The following PDE3A variants were observed in gnomAD, a reference collection of about 807,000 sequenced individuals.
The protein encoded by PDE3A is phosphodiesterase 3A.
Under a neutral mutation model 98.3 loss-of-function variants are expected in PDE3A, and 43 were observed. The ratio of observed to expected loss-of-function variants is 0.44; its 90% CI spans 0.34 to 0.56. The LOEUF (loss-of-function observed/expected upper bound fraction) is 0.56, where lower values mean the gene tolerates loss of function less well. PDE3A is among the 20% of genes least tolerant of loss of function. PDE3A has a pLI of 0.01. For missense variants in PDE3A, 1,427 were observed against 1,440.7 expected, an observed-to-expected ratio of 0.99 and a Z score of 0.15; for synonymous variants, 663 against 567.9, an observed-to-expected ratio of 1.17 and a Z score of -2.38.
chr12:20,623,171 A>T (rs1263340987), intron 5 of PDE3A, among the ~76,000 whole-genome samples: 1 of 152,066 alleles, frequency 6.6e-6, no homozygotes, highest in African/African-American at 2.4e-5. Context: ...GGAAGAAATT[A>T]TCCAGAAAGC....
At chr12:20,449,377 C>G (rs1945021632) in intron 1 of PDE3A, among the ~76,000 whole-genome samples, 1 of 152,088 alleles carries the variant, frequency 6.6e-6, no homozygotes, top group African/African-American at 2.4e-5. Flanking sequence ...TTTTGTTTTT[C>G]CAACCAGAGT....
intron 1 of PDE3A, among the ~76,000 whole-genome samples, chr12:20,510,825 G>C (rs990531154): frequency 6.6e-6 from 1 of 152,016 alleles, no homozygotes; most frequent in Non-Finnish European, 1.5e-5. Context: ...CATTCTCTGA[G>C]AGTGAAGAGG....
chr12:20,606,865 A>G (rs1379303874), intron 2 of PDE3A, among the ~76,000 whole-genome samples: 2 of 151,826 alleles, frequency 1.3e-5, no homozygotes, highest in Admixed American at 6.6e-5. Flanking sequence ...AAAAAAAAAA[A>G]AAAAATTAAA....
At chr12:20,650,243 CGTT>C (rs1232492521) in intron 13 of PDE3A, among the ~76,000 whole-genome samples, 199 bp from the exon 14 acceptor site, 89 of 139,382 alleles carry the variant, frequency 6.4e-4, no homozygotes, top group Non-Finnish European at 9.5e-4. Flanking sequence ...ATCCATAATT[CGTT>C]ATTTTACTTT....
intron 3 of PDE3A, among the ~76,000 whole-genome samples, chr12:20,615,681 T>G (rs1943987313): frequency 3.9e-5 from 6 of 152,222 alleles, no homozygotes; most frequent in Admixed American, 3.9e-4. Flanking sequence ...TAATCACATA[T>G]TTGTATAAGC....
At chr12:20,586,406 C>A (rs1943199505) in intron 2 of PDE3A, among the ~76,000 whole-genome samples, 1 of 152,192 alleles carries the variant, frequency 6.6e-6, no homozygotes. Flanking sequence ...CCTAGTGGGA[C>A]TGCGTCATAT....
chr12:20,397,691 A>T (rs1944043194), intron 1 of PDE3A, among the ~76,000 whole-genome samples: 1 of 152,102 alleles, frequency 6.6e-6, no homozygotes, highest in African/African-American at 2.4e-5. Context: ...TAAAAAAAAT[A>T]GAGATATTCT....
chr12:20,567,447 A>G (rs1378071232), intron 2 of PDE3A, among the ~76,000 whole-genome samples: 1 of 152,034 alleles, frequency 6.6e-6, no homozygotes, highest in Non-Finnish European at 1.5e-5. Context: ...TTTAATGTCC[A>G]TGATACCTTA....
intron 6 of PDE3A, among the ~76,000 whole-genome samples, chr12:20,632,564 G>A (rs1209528168): frequency 6.6e-6 from 1 of 152,222 alleles, no homozygotes; most frequent in East Asian, 1.9e-4. Context: ...GGAAGAGCCA[G>A]TTTATGGCCT....
At chr12:20,517,343 G>T (rs1302107649) in intron 1 of PDE3A, among the ~76,000 whole-genome samples, 3 of 152,204 alleles carry the variant, frequency 2.0e-5, no homozygotes, top group Non-Finnish European at 4.4e-5. Flanking sequence ...TGAAGAAGGG[G>T]TTGGACTATG....
At chr12:20,623,578 T>C (rs1254996967) in intron 5 of PDE3A, among the ~76,000 whole-genome samples, 1 of 151,816 alleles carries the variant, frequency 6.6e-6, no homozygotes, top group Non-Finnish European at 1.5e-5. Context: ...CTAAAGACAA[T>C]TTGAAAGAAG....
chr12:20,435,197 G>T (rs548754543), intron 1 of PDE3A, among the ~76,000 whole-genome samples: 1 of 152,114 alleles, frequency 6.6e-6, no homozygotes, highest in Admixed American at 6.6e-5. Context: ...TGCATTCCTT[G>T]TTACTGTAGA....
At chr12:20,563,230 C>A (rs1206735742) in intron 2 of PDE3A, among the ~76,000 whole-genome samples, 2 of 152,194 alleles carry the variant, frequency 1.3e-5, no homozygotes, top group Non-Finnish European at 2.9e-5. Context: ...TGGCCTGATG[C>A]AGTGACAGGT....
chr12:20,472,111 T>G (rs1235777957), intron 1 of PDE3A, among the ~76,000 whole-genome samples: 1 of 152,156 alleles, frequency 6.6e-6, no homozygotes, highest in East Asian at 1.9e-4. Flanking sequence ...AGATCATTTT[T>G]GGATACTACC....
chr12:20,414,695 G>A (rs971481369), intron 1 of PDE3A, among the ~76,000 whole-genome samples: 6 of 152,118 alleles, frequency 3.9e-5, no homozygotes, highest in African/African-American at 7.2e-5. Flanking sequence ...GAATCAAACG[G>A]GTTTCTGAGA....
rs1943167839 is a variant in PDE3A, at chr12:20,585,391, G to C, written c.1012-28052G>C. ...AAGCATTTATTCTTGGAATTTTCAA[G>C]ATTCACACAGTTTCAACAATAGGTT... On this transcript the variant is annotated intron_variant, in intron 2 of 15. Coordinates refer to ENST00000359062, the MANE Select transcript of PDE3A (RefSeq NM_000921.5). Among the ~76,000 whole-genome samples the C allele has an allele frequency of 3.3e-5, 5 of 152,294 alleles. No homozygotes were observed. The South Asian group carries it at 1.0e-3, about 32-fold the overall frequency.
intron 15 of PDE3A, among the ~76,000 whole-genome samples, chr12:20,672,887 G>T (rs1446375314): frequency 5.0e-5 from 7 of 140,872 alleles, no homozygotes; most frequent in East Asian, 2.1e-4. Context: ...CACAGCAAAA[G>T]AAACTACCAT....
In PDE3A at chr12:20,613,622, C is replaced by T. The variant is rs775901010; in HGVS notation, c.1191C>T (p.Pro397=). 1.6e-5 allele frequency: 26 copies of T among 1,613,238 alleles called. No homozygotes were observed. The East Asian group carries it at 4.0e-4, about 25-fold the overall frequency. Residue 397 remains proline (P), a synonymous_variant, in exon 3 of 16, where the codon CCC becomes CCT. Coordinates refer to ENST00000359062, the MANE Select transcript of PDE3A (RefSeq NM_000921.5). ...CCATTCACAAGCCCAGAGTGAATCC[C>T]GTCACTTCGCTCAGTGAAAACTATA... ...FQAIHKPRVN[P]VTSLSENYTC...
intron 1 of PDE3A, among the ~76,000 whole-genome samples, chr12:20,490,758 G>A (rs1945812640): frequency 6.6e-6 from 1 of 152,156 alleles, no homozygotes; most frequent in Non-Finnish European, 1.5e-5. Context: ...CGTCCCATTA[G>A]AAGAGCTAGA....
Sources: gnomAD v4.1 joint callset for allele counts (sites outside exome capture counted in the v4.1 genomes callset) on GRCh38, gnomAD v4.1.1 for gene constraint, MANE v1.5 for transcripts, NCBI Gene and HGNC (gene_info 2026-07-23, HGNC 2026-07-21) for gene names.